The following KAZN variants were observed in gnomAD, a reference collection of about 807,000 sequenced individuals.
The protein encoded by KAZN is kazrin.
Under a neutral mutation model 87.4 loss-of-function variants are expected in KAZN, and 40 were observed. That is an observed-to-expected ratio of 0.46 (90% CI 0.36 to 0.60). The LOEUF (loss-of-function observed/expected upper bound fraction) is 0.60, where lower values mean the gene tolerates loss of function less well. KAZN is among the 20% of genes least tolerant of loss of function. The pLI is 0.00. For synonymous variants in KAZN, 466 were observed against 458.3 expected (o/e 1.02, Z -0.22); for missense variants, 898 against 1,073.9 (o/e 0.84, Z 2.29).
intron 1 of KAZN, among the ~76,000 whole-genome samples, chr1:14,847,825 T>C (rs940255721): frequency 6.6e-6 from 1 of 152,074 alleles, no homozygotes; most frequent in African/African-American, 2.4e-5. Context: ...TACAAAATAT[T>C]TTAAAAAATT....
chr1:14,258,486 C>CG (rs1358410671), intron 2 of KAZN, among the ~76,000 whole-genome samples: 1 of 150,878 alleles, frequency 6.6e-6, no homozygotes, highest in Non-Finnish European at 1.5e-5. Flanking sequence ...CCACCTGCCT[C>CG]GGCCTCCCAA....
At chr1:13,979,135 C>A (rs1319331403) in intron 1 of KAZN, among the ~76,000 whole-genome samples, 1 of 150,780 alleles carries the variant, frequency 6.6e-6, no homozygotes, top group Admixed American at 6.6e-5. Flanking sequence ...AAATTACTGA[C>A]TGAAAAAATT....
At chr1:14,359,983 G>A (rs1397438676) in intron 2 of KAZN, among the ~76,000 whole-genome samples, 1 of 152,178 alleles carries the variant, frequency 6.6e-6, no homozygotes, top group Non-Finnish European at 1.5e-5. Context: ...ATGTTGGCCT[G>A]TCTTGCTAGG....
At chr1:14,446,625 C>A (rs796731253) in intron 2 of KAZN, among the ~76,000 whole-genome samples, 36 of 152,222 alleles carry the variant, frequency 2.4e-4, no homozygotes, top group African/African-American at 8.7e-4. Flanking sequence ...ACCATTCTTC[C>A]CCATCCAACG....
chr1:14,915,798 G>A (rs1657750619), intron 1 of KAZN, among the ~76,000 whole-genome samples: 1 of 152,184 alleles, frequency 6.6e-6, no homozygotes, highest in Admixed American at 6.5e-5. Flanking sequence ...CTGGAACCTG[G>A]GGATAGGGTG....
chr1:14,486,838 A>G (rs190716637), intron 2 of KAZN, among the ~76,000 whole-genome samples: 1 of 152,306 alleles, frequency 6.6e-6, no homozygotes, highest in East Asian at 1.9e-4. Context: ...GCATAATATT[A>G]TACTTGCCAG....
intron 1 of KAZN, among the ~76,000 whole-genome samples, chr1:13,913,182 A>G (rs1376174463): frequency 1.3e-5 from 2 of 152,152 alleles, no homozygotes. Context: ...GGAGAGACAG[A>G]AGCCTAGCCC....
At chr1:14,103,656 T>C (rs1050546922) in intron 1 of KAZN, among the ~76,000 whole-genome samples, 1 of 152,188 alleles carries the variant, frequency 6.6e-6, no homozygotes, top group East Asian at 1.9e-4. Flanking sequence ...TCTCTGCAGA[T>C]ACATCTTCCC....
At chr1:14,695,365 C>T (rs1641536048) in intron 1 of KAZN, among the ~76,000 whole-genome samples, 1 of 152,048 alleles carries the variant, frequency 6.6e-6, no homozygotes, top group Admixed American at 6.5e-5. Context: ...ACCCAACACT[C>T]TTGGACTGTC....
chr1:14,151,441 A>G (rs1380869936), intron 1 of KAZN, among the ~76,000 whole-genome samples: 1 of 152,164 alleles, frequency 6.6e-6, no homozygotes, highest in Non-Finnish European at 1.5e-5. Context: ...GATCACTTTG[A>G]TATTTTCGTG....
intron 13 of KAZN, among the ~76,000 whole-genome samples, chr1:15,108,130 T>G (rs367838545): frequency 6.6e-6 from 1 of 152,104 alleles, no homozygotes; most frequent in Non-Finnish European, 1.5e-5. Context: ...CTCAAACACA[T>G]AGAATGAGAG....
At chr1:14,044,285 C>A (rs542644778) in intron 1 of KAZN, among the ~76,000 whole-genome samples, 8 of 151,972 alleles carry the variant, frequency 5.3e-5, no homozygotes, top group Admixed American at 2.6e-4. Context: ...GAATCATTTT[C>A]TAAAAAAAGA....
chr1:14,009,412 T>G (rs927215416), intron 1 of KAZN, among the ~76,000 whole-genome samples: 1 of 152,230 alleles, frequency 6.6e-6, no homozygotes, highest in African/African-American at 2.4e-5. Flanking sequence ...CCGTACCATT[T>G]CATATTCCTT....
chr1:14,043,229 G>A (rs115160906), intron 1 of KAZN, among the ~76,000 whole-genome samples: 142 of 152,236 alleles, frequency 9.3e-4, no homozygotes, highest in African/African-American at 3.0e-3. Context: ...CATCTGTGTC[G>A]TAGCGTGTGT....
chr1:14,933,544 G>C (rs1419393816), intron 1 of KAZN, among the ~76,000 whole-genome samples: 1 of 148,238 alleles, frequency 6.7e-6, no homozygotes, highest in African/African-American at 2.7e-5. Context: ...CAGGTGCACT[G>C]GGAAGGTTTG....
chr1:14,612,440 A>G (rs1262092647), intron 1 of KAZN, among the ~76,000 whole-genome samples: 3 of 152,224 alleles, frequency 2.0e-5, no homozygotes, highest in African/African-American at 7.2e-5. Context: ...TTTCATTGTT[A>G]TGAAATGAGG....
Position 15,077,671 on chromosome 1 carries a change from C to A in KAZN, c.1222+11918C>A, listed in dbSNP as rs561668960. ...CAGAGATGGGGGTTGGGGGTTTCAC[C>A]TTCAGGTGAAGATGTTGATGGGCCT... is the stretch of plus-strand genomic sequence containing the variant. On this transcript the variant is annotated intron_variant, in intron 8 of 14. Coordinates refer to ENST00000376030, the MANE Select transcript of KAZN (RefSeq NM_201628.3). The surrounding 1 kb of genome is among the most constrained non-coding windows in gnomAD (Gnocchi z 4.8). 6.6e-6 allele frequency among the ~76,000 whole-genome samples: 1 copy of A among 152,296 alleles called. No individual in the cohort carries two copies. Among genetic ancestry groups the A allele is most frequent in the Non-Finnish European group, 1.5e-5 (1 of 68,026 alleles).
intron 1 of KAZN, among the ~76,000 whole-genome samples, chr1:14,841,771 C>T (rs910968601): frequency 1.3e-5 from 2 of 152,208 alleles, no homozygotes; most frequent in African/African-American, 4.8e-5. Flanking sequence ...GTACCACTGA[C>T]ATCAAGGCCT....
chr1:14,443,288 G>A (rs1006864264), intron 2 of KAZN, among the ~76,000 whole-genome samples: 1 of 152,240 alleles, frequency 6.6e-6, no homozygotes, highest in Non-Finnish European at 1.5e-5. Flanking sequence ...TCTGCACCAT[G>A]AGATAAGGTG....
Sources: gnomAD v4.1 joint callset for allele counts (sites outside exome capture counted in the v4.1 genomes callset) on GRCh38, gnomAD v4.1.1 for gene constraint, Gnocchi (gnomAD v3.1) non-coding constraint, MANE v1.5 for transcripts, NCBI Gene and HGNC (gene_info 2026-07-23, HGNC 2026-07-21) for gene names.